The following CA10 variants were observed in gnomAD, a reference collection of about 807,000 sequenced individuals.
CA10 encodes the protein carbonic anhydrase-related protein 10.
A neutral mutation model predicts 44.2 loss-of-function variants in CA10; 14 were observed. The ratio of observed to expected loss-of-function variants is 0.32; its 90% CI spans 0.21 to 0.50. CA10 has a LOEUF of 0.50. CA10 is among the 20% of genes least tolerant of loss of function. The probability of loss-of-function intolerance (pLI) is 0.99; values close to 1 mark genes in which losing one functional copy is unlikely to be tolerated. For missense variants in CA10, 350 were observed against 409.7 expected, an observed-to-expected ratio of 0.85 and a Z score of 1.26; for synonymous variants, 159 against 141.6, an observed-to-expected ratio of 1.12 and a Z score of -0.87.
chr17:51,658,350 A>T (rs1913878598), intron 4 of CA10, among the ~76,000 whole-genome samples: 1 of 152,234 alleles, frequency 6.6e-6, no homozygotes, highest in African/African-American at 2.4e-5. Flanking sequence ...GGTGGCAAAG[A>T]TAGCTTTGAA....
intron 2 of CA10, among the ~76,000 whole-genome samples, chr17:52,004,620 T>C (rs1230419847): frequency 6.6e-6 from 1 of 151,946 alleles, no homozygotes; most frequent in Non-Finnish European, 1.5e-5. Flanking sequence ...CTGGAATAAA[T>C]GTATGACTTT....
chr17:52,029,566 C>A (rs566710856), intron 2 of CA10, among the ~76,000 whole-genome samples: 1 of 151,388 alleles, frequency 6.6e-6, no homozygotes, highest in Admixed American at 6.6e-5. Flanking sequence ...CCTCTCAAGG[C>A]GAAGGCGTTT....
chr17:51,960,256 T>C (rs1471272341), intron 2 of CA10, among the ~76,000 whole-genome samples: 3 of 151,966 alleles, frequency 2.0e-5, no homozygotes, highest in Non-Finnish European at 4.4e-5. Context: ...TAAAAAAATA[T>C]GAGCAGAGCC....
intron 2 of CA10, among the ~76,000 whole-genome samples, chr17:51,962,534 T>C (rs1382322640): frequency 6.6e-6 from 1 of 152,122 alleles, no homozygotes; most frequent in African/African-American, 2.4e-5. Context: ...ATAAAATATA[T>C]ACCCAGGCAT....
chr17:51,931,250 C>T (rs1418248056), intron 2 of CA10, 118 bp from the exon 3 acceptor site: 7 of 940,408 alleles, frequency 7.4e-6, no homozygotes, highest in Non-Finnish European at 9.6e-6. Context: ...ATGTTCCCAC[C>T]CATGGAGATC....
chr17:51,674,895 T>C (rs1914562621), intron 4 of CA10, among the ~76,000 whole-genome samples: 1 of 152,228 alleles, frequency 6.6e-6, no homozygotes, highest in African/African-American at 2.4e-5. Flanking sequence ...GTGATAAGCA[T>C]AGCCATCCTT....
intron 4 of CA10, among the ~76,000 whole-genome samples, chr17:51,724,368 G>A (rs139100249): frequency 7.1e-4 from 108 of 152,290 alleles, no homozygotes; most frequent in African/African-American, 1.9e-3. Context: ...GTTGGGATAT[G>A]CACTTTCAAA....
intron 4 of CA10, among the ~76,000 whole-genome samples, chr17:51,687,672 GA>G (rs555150557): frequency 5.9e-5 from 9 of 152,272 alleles, no homozygotes; most frequent in African/African-American, 1.9e-4. Flanking sequence ...CTATCAAATA[GA>G]AACAACTTGC....
At chr17:52,023,557 C>A (rs2144158329) in intron 2 of CA10, among the ~76,000 whole-genome samples, 1 of 152,096 alleles carries the variant, frequency 6.6e-6, no homozygotes, top group African/African-American at 2.4e-5. Flanking sequence ...ATGGCCTTAG[C>A]AAAGAATTTT....
intron 3 of CA10, among the ~76,000 whole-genome samples, chr17:51,822,224 G>A (rs1190175998): frequency 6.6e-6 from 1 of 152,028 alleles, no homozygotes. Flanking sequence ...ACCACAACTA[G>A]CCTGGCCAAC....
chr17:51,726,548 AAAAT>A (rs1452272333), intron 4 of CA10, among the ~76,000 whole-genome samples: 2 of 152,208 alleles, frequency 1.3e-5, no homozygotes, highest in African/African-American at 4.8e-5. Flanking sequence ...TTATACACCA[AAAAT>A]AAATACATTT....
At chr17:51,740,827 T>C (rs1012652408) in intron 4 of CA10, among the ~76,000 whole-genome samples, 3 of 152,142 alleles carry the variant, frequency 2.0e-5, no homozygotes, top group African/African-American at 7.2e-5. Flanking sequence ...ACCTCACAAA[T>C]GTCATCTTCT....
chr17:51,975,183 A>G (rs184350572), intron 2 of CA10, among the ~76,000 whole-genome samples: 140 of 152,328 alleles, frequency 9.2e-4, no homozygotes, highest in Non-Finnish European at 1.7e-3. Flanking sequence ...TCAGTTCACC[A>G]AAAAGGAGGT....
In CA10 at chr17:51,632,097, C is replaced by T. The variant is rs529850458; in HGVS notation, c.965-491G>A. On this transcript the variant is annotated intron_variant, in intron 8 of 8. Transcript: ENST00000451037. Reference sequence around the variant, plus strand: ...AAAGTTTTATTGGAACACAGCCATACCCATTCATTTAGATATTATCAATGG... The same window carrying T: ...AAAGTTTTATTGGAACACAGCCATATCCATTCATTTAGATATTATCAATGG... 5.3e-5 allele frequency among the ~76,000 whole-genome samples: 8 copies of T among 152,272 alleles called. No individual in the cohort carries two copies. The East Asian group carries it at 1.5e-3, about 29-fold the overall frequency.
In CA10 at chr17:51,920,641, T is replaced by C. The variant is rs183623691; in HGVS notation, c.279+10349A>G. On this transcript the variant is annotated intron_variant, in intron 3 of 8. Coordinates refer to ENST00000451037, the MANE Select transcript of CA10 (RefSeq NM_020178.5). ...TGATTTTCTGGATGATGTCAAGAGG[T>C]AAACATTACAAAGAACTGCCAAGAC... is the stretch of plus-strand genomic sequence containing the variant. 4.1e-4 allele frequency among the ~76,000 whole-genome samples: 62 copies of C among 152,064 alleles called. No homozygotes were observed. In the East Asian group the frequency reaches 0.011, roughly 27 times the overall value.
At chr17:51,658,024 C>T (rs903008453) in intron 4 of CA10, among the ~76,000 whole-genome samples, 15 of 152,334 alleles carry the variant, frequency 9.8e-5, no homozygotes, top group African/African-American at 2.4e-4. Context: ...TAGTTTTAGG[C>T]GAGTATCCTC....
chr17:52,074,185 G>A (rs1014933779), intron 1 of CA10, among the ~76,000 whole-genome samples: 1 of 152,108 alleles, frequency 6.6e-6, no homozygotes, highest in African/African-American at 2.4e-5. Flanking sequence ...ACTTTGTAAT[G>A]CTCACCTTGA....
intron 2 of CA10, among the ~76,000 whole-genome samples, chr17:51,972,331 C>T (rs1344681090): frequency 6.8e-6 from 1 of 146,040 alleles, no homozygotes; most frequent in Non-Finnish European, 1.5e-5. Flanking sequence ...AGTCCTCAAT[C>T]TTTATTTTTA....
At chr17:51,904,220 A>G (rs902722474) in intron 3 of CA10, among the ~76,000 whole-genome samples, 2 of 151,744 alleles carry the variant, frequency 1.3e-5, no homozygotes, top group Non-Finnish European at 2.9e-5. Context: ...AACTCTTATT[A>G]TATTCTTAGA....
Sources: gnomAD v4.1 joint callset for allele counts (sites outside exome capture counted in the v4.1 genomes callset) on GRCh38, gnomAD v4.1.1 for gene constraint, MANE v1.5 for transcripts, NCBI Gene and HGNC (gene_info 2026-07-23, HGNC 2026-07-21) for gene names.